Variants in GALNT18 observed in about 807,000 individuals in gnomAD.
The protein encoded by GALNT18 is polypeptide N-acetylgalactosaminyltransferase 18.
A neutral mutation model predicts 69.5 loss-of-function variants in GALNT18; 44 were observed. The ratio of observed to expected loss-of-function variants is 0.63; its 90% CI spans 0.50 to 0.81. GALNT18 has a LOEUF of 0.81. Ranked by LOEUF, GALNT18 falls within the 40% of genes least tolerant of loss-of-function variation. The pLI is 0.00. For synonymous variants in GALNT18, 364 were observed against 318.2 expected, an observed-to-expected ratio of 1.14 and a Z score of -1.53; for missense variants, 715 against 810.0, an observed-to-expected ratio of 0.88 and a Z score of 1.42.
chr11:11,376,089 T>C (rs908445031), intron 5 of GALNT18, among the ~76,000 whole-genome samples: 6 of 152,134 alleles, frequency 3.9e-5, no homozygotes, highest in African/African-American at 9.7e-5. Context: ...ATCATCAATA[T>C]AGACAGAAAT....
intron 10 of GALNT18, among the ~76,000 whole-genome samples, chr11:11,275,756 G>T (rs1333948579): frequency 6.6e-6 from 1 of 152,176 alleles, no homozygotes; most frequent in East Asian, 1.9e-4. Flanking sequence ...CATATGGCTA[G>T]CCAGTTTCCC....
At chr11:11,300,938 G>A (rs1486050152) in intron 9 of GALNT18, among the ~76,000 whole-genome samples, 1 of 152,204 alleles carries the variant, frequency 6.6e-6, no homozygotes, top group Non-Finnish European at 1.5e-5. Context: ...GTGAAATGTT[G>A]GCGCAACACA....
At chr11:11,293,634 C>A (rs1341320636) in intron 9 of GALNT18, among the ~76,000 whole-genome samples, 9 of 150,538 alleles carry the variant, frequency 6.0e-5, no homozygotes, top group Admixed American at 6.0e-4. Context: ...TTCCACCTCC[C>A]AGGCTCAAGT....
rs1250693279 is a variant in GALNT18 at position 11,573,048 on chromosome 11, T to G, written c.235+48311A>C. On this transcript the variant is annotated intron_variant, in intron 1 of 10. Transcript: ENST00000227756. This position sits in a 1 kb window ranked among gnomAD's most constrained non-coding sequence, Gnocchi z 4.6. ...ACGTTATCTTAGCCCATTTTACAGA[T>G]GAGAAACCTGGGTCTCAGAGATACT... 6.6e-6 allele frequency among the ~76,000 whole-genome samples: 1 copy of G among 152,100 alleles called. No individual in the cohort carries two copies.
chr11:11,431,084 A>G (rs1855252726), intron 3 of GALNT18, among the ~76,000 whole-genome samples: 1 of 152,184 alleles, frequency 6.6e-6, no homozygotes, highest in Admixed American at 6.5e-5. Flanking sequence ...TGGCATCCTT[A>G]AGGACATGAA....
rs1316195152 is a variant in GALNT18 at position 11,377,234 on chromosome 11, G to A, written c.925C>T (p.Leu309=). The A allele has an allele frequency of 1.2e-6, 2 of 1,613,792 alleles. No individual in the cohort carries two copies. Among genetic ancestry groups the A allele is most frequent in the Admixed American group, 1.7e-5 (1 of 60,030 alleles). The change falls in exon 5 of 11, where the codon CTA becomes TTA. Residue 309 remains leucine (L), a synonymous_variant. Transcript: ENST00000227756. The surrounding 1 kb of genome is among the most constrained non-coding windows in gnomAD (Gnocchi z 4.6). ...GFDWELWCRY[L]NPPKAWWKLE... ...TTCCACCAGGCCTTGGGGGGATTTAGGTAGCGGCACCACAGCTCCCAGTCA... is the reference window on the plus strand; with the variant it reads ...TTCCACCAGGCCTTGGGGGGATTTAAGTAGCGGCACCACAGCTCCCAGTCA...
At chr11:11,498,488 G>A (rs1856912045) in intron 1 of GALNT18, among the ~76,000 whole-genome samples, 1 of 152,226 alleles carries the variant, frequency 6.6e-6, no homozygotes, top group South Asian at 2.1e-4. Context: ...GAAAACTCAT[G>A]AATTTGTGAC....
chr11:11,321,985 C>T (rs1235950529), intron 9 of GALNT18, among the ~76,000 whole-genome samples: 1 of 152,184 alleles, frequency 6.6e-6, no homozygotes, highest in Non-Finnish European at 1.5e-5. Context: ...GGGTTGGTTG[C>T]AGCTAGAACC....
intron 2 of GALNT18, among the ~76,000 whole-genome samples, chr11:11,441,825 G>C (rs570806502): frequency 8.7e-4 from 132 of 152,280 alleles, no homozygotes; most frequent in Non-Finnish European, 1.5e-3. Context: ...GGGGCCCAGT[G>C]CAAAAGGAAA....
chr11:11,365,974 G>A (rs1229022747), intron 6 of GALNT18, among the ~76,000 whole-genome samples: 1 of 152,158 alleles, frequency 6.6e-6, no homozygotes, highest in Non-Finnish European at 1.5e-5. Flanking sequence ...ATTGTGTGCT[G>A]TCACTCAGGA....
chr11:11,411,707 T>C (rs898368357), intron 3 of GALNT18, among the ~76,000 whole-genome samples: 1 of 152,190 alleles, frequency 6.6e-6, no homozygotes, highest in Non-Finnish European at 1.5e-5. Flanking sequence ...TCCTGATTCT[T>C]AAATAAACAC....
At chr11:11,501,457 T>C (rs913684614) in intron 1 of GALNT18, among the ~76,000 whole-genome samples, 1 of 152,222 alleles carries the variant, frequency 6.6e-6, no homozygotes, top group Non-Finnish European at 1.5e-5. Context: ...CTCTGTTTAT[T>C]AAGGCATCAG....
intron 1 of GALNT18, among the ~76,000 whole-genome samples, chr11:11,501,520 G>A (rs901176503): frequency 2.0e-5 from 3 of 152,062 alleles, no homozygotes; most frequent in South Asian, 2.1e-4. Context: ...CTACTCTTTC[G>A]TGAGCAAACT....
intron 1 of GALNT18, among the ~76,000 whole-genome samples, chr11:11,581,366 T>C (rs1859079388): frequency 6.6e-6 from 1 of 152,214 alleles, no homozygotes. Context: ...CAGAGCCAGG[T>C]GCTGGTCATG....
chr11:11,325,943 A>G (rs1381047032), intron 9 of GALNT18, among the ~76,000 whole-genome samples: 1 of 152,050 alleles, frequency 6.6e-6, no homozygotes, highest in African/African-American at 2.4e-5. Flanking sequence ...CATACACGTC[A>G]TGATGTCCTT....
chr11:11,343,311 C>A (rs547863278), intron 6 of GALNT18, among the ~76,000 whole-genome samples: 1 of 152,048 alleles, frequency 6.6e-6, no homozygotes, highest in South Asian at 2.1e-4. Flanking sequence ...TGGTGTCACA[C>A]TGCACTCCAG....
chr11:11,620,535 G>C lies in GALNT18; in HGVS notation c.235+824C>G, dbSNP rs924376355. Among the ~76,000 whole-genome samples, 1 of 152,112 alleles carries C rather than the reference G, an allele frequency of 6.6e-6. No individual in the cohort carries two copies. Among genetic ancestry groups the C allele is most frequent in the Admixed American group, 6.5e-5 (1 of 15,286 alleles). ...ACCCAACCCAGGTCTGCTCAGCCCC[G>C]GCTGCTCCCAGGGCCTGAGAGTGGA... On this transcript the variant is annotated intron_variant, in intron 1 of 10. Transcript: ENST00000227756. This position sits in a 1 kb window ranked among gnomAD's most constrained non-coding sequence, Gnocchi z 6.9.
At position 11,596,708 on chromosome 11, in the gene GALNT18, T is replaced by A. The variant is rs1859508489; in HGVS notation, c.235+24651A>T. ...TTTGTTTTTTTATATTGATCTTATATCCTGTAACCTCACTGAACTCACTTA... is the reference window on the plus strand; with the variant it reads ...TTTGTTTTTTTATATTGATCTTATAACCTGTAACCTCACTGAACTCACTTA... On this transcript the variant is annotated intron_variant, in intron 1 of 10. Coordinates refer to ENST00000227756, the MANE Select transcript of GALNT18 (RefSeq NM_198516.3). The surrounding 1 kb of genome is among the most constrained non-coding windows in gnomAD (Gnocchi z 4.2). 6.6e-6 allele frequency among the ~76,000 whole-genome samples: 1 copy of A among 152,200 alleles called. No individual in the cohort carries two copies. The highest frequency in any genetic ancestry group is 2.1e-4 in the South Asian group (1 of 4,834).
chr11:11,463,692 C>A lies in GALNT18; in HGVS notation c.236-14756G>T, dbSNP rs544853982. ...AAAAAACTGAACAAACAGGCCCTCCCAACCCCAGGCCCTGGCAGGATAGGG... is the reference window on the plus strand; with the variant it reads ...AAAAAACTGAACAAACAGGCCCTCCAAACCCCAGGCCCTGGCAGGATAGGG... On this transcript the variant is annotated intron_variant, in intron 1 of 10. Coordinates refer to ENST00000227756, the MANE Select transcript of GALNT18 (RefSeq NM_198516.3). This position sits in a 1 kb window ranked among gnomAD's most constrained non-coding sequence, Gnocchi z 4.2. Among the ~76,000 whole-genome samples, 1 of 152,312 alleles carries A rather than the reference C, an allele frequency of 6.6e-6. No individual in the cohort carries two copies. The highest frequency in any genetic ancestry group is 6.5e-5 in the Admixed American group (1 of 15,304).
Sources: allele counts gnomAD v4.1 joint callset (sites outside exome capture counted in the v4.1 genomes callset), GRCh38; gene constraint gnomAD v4.1.1; non-coding constraint Gnocchi (gnomAD v3.1); transcripts MANE v1.5; gene names NCBI Gene and HGNC (gene_info 2026-07-23, HGNC 2026-07-21).